MACROD2: variants seen among roughly 807,000 people sequenced by gnomAD.
MACROD2 encodes mono-ADP ribosylhydrolase 2.
Under a neutral mutation model 70.4 loss-of-function variants are expected in MACROD2, and 36 were observed. The ratio of observed to expected loss-of-function variants is 0.51; its 90% CI spans 0.39 to 0.68. The LOEUF (loss-of-function observed/expected upper bound fraction) is 0.68. Among genes scored for constraint, MACROD2 ranks in the 30% least tolerant of loss-of-function variants. The pLI is 0.00. For synonymous variants in MACROD2, 172 were observed against 178.8 expected (o/e 0.96, Z 0.30); for missense variants, 496 against 538.4 (o/e 0.92, Z 0.78).
rs765357979 is a variant in MACROD2 at position 14,326,757 on chromosome 20, C to T, written c.272-166722C>T. ...TGTGGTTATCTTGAAGATAAAGCTT[C>T]CTCAGGTTTGTGCCTGGAAGGTTTA... On this transcript the variant is annotated intron_variant, in intron 3 of 17. Coordinates refer to ENST00000684519, the MANE Select transcript of MACROD2 (RefSeq NM_001351661.2). This position sits in a 1 kb window ranked among gnomAD's most constrained non-coding sequence, Gnocchi z 5.5. 6 of 1,613,780 alleles carry T rather than the reference C, an allele frequency of 3.7e-6. No homozygotes were observed. Among genetic ancestry groups the T allele is most frequent in the South Asian group, 2.2e-5 (2 of 91,084 alleles).
chr20:15,130,884 G>C (rs908514047), intron 5 of MACROD2, among the ~76,000 whole-genome samples: 8 of 152,066 alleles, frequency 5.3e-5, no homozygotes, highest in Admixed American at 5.2e-4. Flanking sequence ...GTGAGTAAGG[G>C]AAACTCTCTG....
At chr20:15,907,919 C>T (rs574842996) in intron 10 of MACROD2, among the ~76,000 whole-genome samples, 15 of 152,296 alleles carry the variant, frequency 9.8e-5, no homozygotes, top group Non-Finnish European at 2.1e-4. Flanking sequence ...CTCCCTCACC[C>T]TCAAGCTTTG....
intron 10 of MACROD2, among the ~76,000 whole-genome samples, chr20:15,894,623 A>T (rs1246947798): frequency 6.6e-6 from 1 of 152,230 alleles, no homozygotes; most frequent in Admixed American, 6.5e-5. Flanking sequence ...CCTCCTCTAC[A>T]CAAGGAGCAA....
intron 15 of MACROD2, among the ~76,000 whole-genome samples, chr20:16,024,038 G>A (rs2067041823): frequency 6.6e-6 from 1 of 152,146 alleles, no homozygotes; most frequent in African/African-American, 2.4e-5. Flanking sequence ...CTGGGGTGAT[G>A]GCCCAGGCAT....
At chr20:14,858,064 G>A (rs1219098203) in intron 5 of MACROD2, among the ~76,000 whole-genome samples, 3 of 151,960 alleles carry the variant, frequency 2.0e-5, no homozygotes, top group Non-Finnish European at 2.9e-5. Context: ...CAGGTGATCC[G>A]CCTGCCTCCG....
chr20:15,728,876 G>A (rs555683902), intron 8 of MACROD2, among the ~76,000 whole-genome samples: 7 of 151,430 alleles, frequency 4.6e-5, no homozygotes, highest in South Asian at 2.1e-4. Context: ...TTTGTATCTT[G>A]GTTTCCTTCA....
rs533851252 is a variant in MACROD2, at chr20:14,457,396, A to T, written c.272-36083A>T. Among the ~76,000 whole-genome samples, 3 of 152,238 alleles carry T rather than the reference A, an allele frequency of 2.0e-5. No individual in the cohort carries two copies. In the South Asian group the frequency reaches 6.2e-4, roughly 31 times the overall value. ...GTTTACTAATGTTTACCATCTTGAG[A>T]ACTGATAAAGTGAAGACATTCACCA... On this transcript the variant is annotated intron_variant, in intron 3 of 17. Transcript: ENST00000684519.
intron 8 of MACROD2, among the ~76,000 whole-genome samples, chr20:15,718,641 G>A (rs911449373): frequency 1.3e-5 from 2 of 152,162 alleles, no homozygotes; most frequent in African/African-American, 2.4e-5. Flanking sequence ...AGTCTTGAAC[G>A]CCCAGAGGGA....
At chr20:14,879,019 G>C (rs541280922) in intron 5 of MACROD2, among the ~76,000 whole-genome samples, 1 of 151,996 alleles carries the variant, frequency 6.6e-6, no homozygotes, top group African/African-American at 2.4e-5. Context: ...TCTTCTCTCT[G>C]ATTATCACAT....
At chr20:15,693,817 G>T (rs1303367785) in intron 8 of MACROD2, among the ~76,000 whole-genome samples, 5 of 152,030 alleles carry the variant, frequency 3.3e-5, no homozygotes, top group African/African-American at 7.3e-5. Context: ...CATATCGCCT[G>T]AGCAGTACAC....
At chr20:15,009,811 C>T (rs770466010) in intron 5 of MACROD2, among the ~76,000 whole-genome samples, 75 of 140,686 alleles carry the variant, frequency 5.3e-4, no homozygotes, top group African/African-American at 1.5e-3. Flanking sequence ...TACATTGTTT[C>T]GGCTTAGTTA....
chr20:15,313,493 C>T (rs530416084), intron 6 of MACROD2, among the ~76,000 whole-genome samples: 9 of 127,038 alleles, frequency 7.1e-5, no homozygotes, highest in Admixed American at 2.9e-4. Context: ...GGCGACAGAG[C>T]GAGACTCCGT....
intron 6 of MACROD2, among the ~76,000 whole-genome samples, chr20:15,330,363 C>T (rs2077978988): frequency 6.7e-6 from 1 of 148,232 alleles, no homozygotes; most frequent in Admixed American, 6.6e-5. Context: ...TCAGAAGTGA[C>T]AGACTTTGGT....
At chr20:15,110,240 C>T (rs888678850) in intron 5 of MACROD2, among the ~76,000 whole-genome samples, 1 of 151,974 alleles carries the variant, frequency 6.6e-6, no homozygotes, top group East Asian at 1.9e-4. Flanking sequence ...CTGTTGGTTC[C>T]TTTGGATGAA....
chr20:15,782,697 A>G (rs1270130339), intron 8 of MACROD2, among the ~76,000 whole-genome samples: 1 of 141,086 alleles, frequency 7.1e-6, no homozygotes, highest in African/African-American at 2.7e-5. Flanking sequence ...AGAGGGAGAC[A>G]TATGCAGATA....
At chr20:15,843,054 C>T (rs1193547900) in intron 8 of MACROD2, among the ~76,000 whole-genome samples, 1 of 152,182 alleles carries the variant, frequency 6.6e-6, no homozygotes, top group Non-Finnish European at 1.5e-5. Context: ...CACTTGGTGG[C>T]ACTGAGCTCA....
intron 3 of MACROD2, among the ~76,000 whole-genome samples, chr20:14,292,245 A>G (rs973471529): frequency 1.3e-5 from 2 of 151,906 alleles, no homozygotes; most frequent in African/African-American, 4.9e-5. Flanking sequence ...GAAGCACTAC[A>G]GGTAAAGGGC....
At chr20:14,940,665 C>A (rs940238958) in intron 5 of MACROD2, among the ~76,000 whole-genome samples, 25 of 149,244 alleles carry the variant, frequency 1.7e-4, no homozygotes, top group African/African-American at 5.9e-4. Context: ...TCATTTTTTT[C>A]CCTTGGTGCT....
At chr20:14,013,683 T>TC (rs2052946681) in intron 2 of MACROD2, among the ~76,000 whole-genome samples, 1 of 138,822 alleles carries the variant, frequency 7.2e-6, no homozygotes, top group Admixed American at 7.2e-5. Context: ...GCTTTTTTTT[T>TC]TTTTTTTTTT....
Sources: gnomAD v4.1 joint callset for allele counts (sites outside exome capture counted in the v4.1 genomes callset) on GRCh38, gnomAD v4.1.1 for gene constraint, Gnocchi (gnomAD v3.1) non-coding constraint, MANE v1.5 for transcripts, NCBI Gene and HGNC (gene_info 2026-07-23, HGNC 2026-07-21) for gene names.